RAD51B: variants seen among roughly 807,000 people sequenced by gnomAD.
RAD51B encodes the protein DNA repair protein RAD51 homolog 2.
Under a neutral mutation model 42.2 loss-of-function variants are expected in RAD51B, and 38 were observed. That is an observed-to-expected ratio of 0.90 (90% CI 0.70 to 1.18). RAD51B has a LOEUF of 1.18. Ranked by LOEUF, RAD51B falls within the 50% of genes most tolerant of loss-of-function variation. The pLI, the probability that RAD51B is intolerant of heterozygous loss-of-function variation, is 0.00. For synonymous variants in RAD51B, 154 were observed against 145.2 expected (o/e 1.06, Z -0.43); for missense variants, 373 against 400.7 (o/e 0.93, Z 0.59).
At chr14:68,622,405 G>A (rs1028900954) in intron 10 of RAD51B, among the ~76,000 whole-genome samples, 1 of 152,138 alleles carries the variant, frequency 6.6e-6, no homozygotes, top group Non-Finnish European at 1.5e-5. Context: ...TGAGTCTAGT[G>A]GGGAAGACAA....
At chr14:68,493,090 A>G (rs948758507) in intron 10 of RAD51B, among the ~76,000 whole-genome samples, 3 of 151,788 alleles carry the variant, frequency 2.0e-5, no homozygotes, top group Admixed American at 6.6e-5. Context: ...CTCTTTCTCC[A>G]CCTGGACTCA....
chr14:68,576,961 G>A (rs1044158107), intron 10 of RAD51B, among the ~76,000 whole-genome samples: 1 of 152,160 alleles, frequency 6.6e-6, no homozygotes. Flanking sequence ...GAACCAACAG[G>A]GGCATTCCGT....
chr14:68,364,232 A>C (rs1594731539), intron 8 of RAD51B, among the ~76,000 whole-genome samples: 1 of 148,336 alleles, frequency 6.7e-6, no homozygotes, highest in Admixed American at 6.7e-5. Flanking sequence ...CTCTGCGCCC[A>C]CTCCTCATCG....
intron 9 of RAD51B, among the ~76,000 whole-genome samples, chr14:68,424,543 A>G (rs1443902995): frequency 6.6e-6 from 1 of 152,186 alleles, no homozygotes; most frequent in African/African-American, 2.4e-5. Context: ...ACTGTTCCAT[A>G]CTGACCTGCA....
At chr14:68,529,722 A>C (rs1221797610) in intron 10 of RAD51B, among the ~76,000 whole-genome samples, 1 of 152,244 alleles carries the variant, frequency 6.6e-6, no homozygotes, top group Non-Finnish European at 1.5e-5. Flanking sequence ...TCTCTAAATT[A>C]GTATCCAAGC....
chr14:67,868,429 G>A (rs1181926808), intron 5 of RAD51B, among the ~76,000 whole-genome samples: 1 of 150,578 alleles, frequency 6.6e-6, no homozygotes. Context: ...TGGCTCAGAG[G>A]GTCCTACGCC....
intron 8 of RAD51B, among the ~76,000 whole-genome samples, chr14:68,382,898 G>A (rs971905045): frequency 6.6e-6 from 1 of 152,130 alleles, no homozygotes; most frequent in African/African-American, 2.4e-5. Flanking sequence ...AGTATTACAT[G>A]GCTTTTTTTT....
chr14:67,844,624 A>ATATT (rs1555405151), intron 4 of RAD51B, among the ~76,000 whole-genome samples: 1 of 147,798 alleles, frequency 6.8e-6, no homozygotes, highest in African/African-American at 2.5e-5. Flanking sequence ...ATATATATAT[A>ATATT]TTTTTTTTAT....
intron 10 of RAD51B, among the ~76,000 whole-genome samples, chr14:68,512,649 G>C (rs1885811727): frequency 6.6e-6 from 1 of 152,044 alleles, no homozygotes; most frequent in African/African-American, 2.4e-5. Context: ...CAAATATTCA[G>C]TGAGCACCCA....
At chr14:67,858,933 G>T (rs530605897) in intron 4 of RAD51B, among the ~76,000 whole-genome samples, 1 of 152,308 alleles carries the variant, frequency 6.6e-6, no homozygotes, top group Admixed American at 6.5e-5. Context: ...AATGAAGAAA[G>T]TTCCATAAAA....
intron 9 of RAD51B, among the ~76,000 whole-genome samples, chr14:68,444,685 G>A (rs1336945198): frequency 1.3e-5 from 2 of 152,232 alleles, no homozygotes; most frequent in Non-Finnish European, 2.9e-5. Context: ...GGGGTCACCA[G>A]TGAGAAAAAC....
intron 7 of RAD51B, among the ~76,000 whole-genome samples, chr14:67,944,315 G>A (rs951117620): frequency 2.6e-4 from 40 of 151,278 alleles, no homozygotes; most frequent in Non-Finnish European, 4.6e-4. Context: ...GTTGTTTTAA[G>A]CCACAAATAT....
At chr14:68,667,510 C>T (rs1397497035) in intron 11 of RAD51B, among the ~76,000 whole-genome samples, 1 of 147,164 alleles carries the variant, frequency 6.8e-6, no homozygotes, top group African/African-American at 2.5e-5. Context: ...AATAGCTGGG[C>T]ACCATAGCCT....
At chr14:67,882,817 T>G (rs748125368) in intron 5 of RAD51B, among the ~76,000 whole-genome samples, 6 of 152,130 alleles carry the variant, frequency 3.9e-5, no homozygotes, top group Non-Finnish European at 5.9e-5. Flanking sequence ...TGATCTTGGC[T>G]CACTGCAACC....
downstream of RAD51B, among the ~76,000 whole-genome samples, chr14:68,479,275 A>T (rs1882970354): frequency 6.6e-6 from 1 of 152,224 alleles, no homozygotes; most frequent in Non-Finnish European, 1.5e-5. Context: ...GGTTAATTTC[A>T]GACATCAAGG....
At chr14:68,458,134 C>G (rs1682243980) in intron 9 of RAD51B, among the ~76,000 whole-genome samples, 1 of 152,064 alleles carries the variant, frequency 6.6e-6, no homozygotes, top group South Asian at 2.1e-4. Context: ...TAGATATGTG[C>G]TAAAAAACAA....
chr14:68,281,591 G>A (rs1210343989), intron 7 of RAD51B, among the ~76,000 whole-genome samples: 1 of 152,132 alleles, frequency 6.6e-6, no homozygotes, highest in Non-Finnish European at 1.5e-5. Context: ...TCACTTCCCA[G>A]CTCCCCTCAC....
chr14:67,925,430 G>A (rs997417808), intron 7 of RAD51B, among the ~76,000 whole-genome samples: 7 of 152,062 alleles, frequency 4.6e-5, no homozygotes, highest in South Asian at 4.1e-4. Context: ...CTGCCACCAC[G>A]TCTGGCTAAT....
intron 7 of RAD51B, among the ~76,000 whole-genome samples, chr14:67,889,184 T>A (rs1217460164): frequency 1.3e-5 from 2 of 152,152 alleles, no homozygotes; most frequent in African/African-American, 4.8e-5. Flanking sequence ...AACTGTGATA[T>A]CTGTTTTTTG....
Sources: allele counts gnomAD v4.1 joint callset (sites outside exome capture counted in the v4.1 genomes callset), GRCh38; gene constraint gnomAD v4.1.1; transcripts MANE v1.5; gene names NCBI Gene and HGNC (gene_info 2026-07-23, HGNC 2026-07-21).